CDH13: variants seen among roughly 807,000 people sequenced by gnomAD.
CDH13 encodes the protein cadherin 13, also known as cadherin-13.
CDH13 carries 24 observed loss-of-function variants against 63.8 expected under a neutral mutation model. That is an observed-to-expected ratio of 0.38 (90% CI 0.27 to 0.53). The LOEUF is 0.53. Among genes scored for constraint, CDH13 ranks in the 20% least tolerant of loss-of-function variants. CDH13 has a pLI of 0.85. For synonymous variants in CDH13, 503 were observed against 355.3 expected (o/e 1.42, Z -4.67); for missense variants, 1,049 against 903.1 (o/e 1.16, Z -2.07).
Position 83,088,940 on chromosome 16 carries a change from C to A in CDH13, c.367-36445C>A, listed in dbSNP as rs151031482. 6.6e-3 allele frequency among the ~76,000 whole-genome samples: 1,006 copies of A among 152,244 alleles called. 17 individuals are homozygous for A. The highest frequency in any genetic ancestry group is 0.022 in the African/African-American group (898 of 41,544). ...TTAATGGAACATAAGCATGGCCATT[C>A]ATTAATATATGATCAATAGATTTTT... On this transcript the variant is annotated intron_variant, in intron 3 of 13. Transcript: ENST00000567109.
intron 3 of CDH13, among the ~76,000 whole-genome samples, chr16:83,037,465 CA>C (rs1916963618): frequency 6.6e-6 from 1 of 152,054 alleles, no homozygotes; most frequent in Non-Finnish European, 1.5e-5. Context: ...AACATGGGAG[CA>C]ATGGAGGGAA....
At chr16:83,010,041 A>T (rs555563044) in intron 2 of CDH13, among the ~76,000 whole-genome samples, 1 of 150,582 alleles carries the variant, frequency 6.6e-6, no homozygotes, top group Non-Finnish European at 1.5e-5. Flanking sequence ...AGGCTGAGGC[A>T]GGAGAATCAC....
intron 4 of CDH13, among the ~76,000 whole-genome samples, chr16:83,163,590 T>C (rs2037538914): frequency 6.6e-6 from 1 of 152,084 alleles, no homozygotes; most frequent in Admixed American, 6.6e-5. Flanking sequence ...CTGTTTTCTA[T>C]TGCCTTTGCA....
intron 3 of CDH13, among the ~76,000 whole-genome samples, chr16:83,073,815 C>G (rs890194220): frequency 6.6e-6 from 1 of 151,930 alleles, no homozygotes; most frequent in African/African-American, 2.4e-5. Context: ...TACAGTACAG[C>G]ATAGCAATTG....
chr16:83,058,497 C>T (rs183324395), intron 3 of CDH13, among the ~76,000 whole-genome samples: 35 of 152,250 alleles, frequency 2.3e-4, no homozygotes, highest in African/African-American at 7.7e-4. Context: ...ACAGGGGCGT[C>T]GTTTATTCTA....
intron 2 of CDH13, among the ~76,000 whole-genome samples, chr16:83,007,953 T>A (rs1171698305): frequency 6.6e-6 from 1 of 152,248 alleles, no homozygotes; most frequent in Non-Finnish European, 1.5e-5. Flanking sequence ...GTCCTTTTCC[T>A]CAATTGTTCC....
intron 2 of CDH13, among the ~76,000 whole-genome samples, chr16:82,982,259 TC>T (rs1482357059): frequency 1.3e-5 from 2 of 152,102 alleles, no homozygotes; most frequent in Admixed American, 6.5e-5. Context: ...ATAATACTTA[TC>T]TTATAAATAA....
chr16:83,418,917 T>A (rs2071631156), intron 6 of CDH13, among the ~76,000 whole-genome samples: 1 of 152,108 alleles, frequency 6.6e-6, no homozygotes, highest in Non-Finnish European at 1.5e-5. Flanking sequence ...ATATGGAGAA[T>A]TTTCAGCAGA....
intron 8 of CDH13, among the ~76,000 whole-genome samples, chr16:83,613,035 A>G (rs1335363068): frequency 6.6e-6 from 1 of 152,150 alleles, no homozygotes; most frequent in Non-Finnish European, 1.5e-5. Context: ...CTTTTTTGCC[A>G]GAATTTTTGA....
intron 6 of CDH13, among the ~76,000 whole-genome samples, chr16:83,432,593 G>A (rs2072154295): frequency 6.6e-6 from 1 of 152,178 alleles, no homozygotes; most frequent in Non-Finnish European, 1.5e-5. Context: ...GACTGAACTT[G>A]AGAAGAGTGC....
chr16:83,579,411 C>T (rs765406635), intron 7 of CDH13, among the ~76,000 whole-genome samples: 25 of 152,212 alleles, frequency 1.6e-4, no homozygotes, highest in Middle Eastern at 3.4e-3. Context: ...CCTCAGGAAA[C>T]TTACAATTAT....
At chr16:83,265,939 G>C (rs1356307435) in intron 5 of CDH13, among the ~76,000 whole-genome samples, 1 of 151,580 alleles carries the variant, frequency 6.6e-6, no homozygotes, top group Non-Finnish European at 1.5e-5. Context: ...TCGGTTTTTT[G>C]TTTATTTCTG....
intron 7 of CDH13, among the ~76,000 whole-genome samples, chr16:83,544,373 C>A (rs1226280290): frequency 1.3e-5 from 2 of 152,060 alleles, no homozygotes; most frequent in Admixed American, 1.3e-4. Context: ...CCTCAACTTA[C>A]GATGGGTTTA....
At chr16:82,748,269 T>A (rs2034265606) in intron 1 of CDH13, among the ~76,000 whole-genome samples, 2 of 152,170 alleles carry the variant, frequency 1.3e-5, no homozygotes, top group Admixed American at 1.3e-4. Context: ...TTATTGCAAC[T>A]CAATTCATGT....
intron 7 of CDH13, among the ~76,000 whole-genome samples, chr16:83,598,369 T>C (rs1342692716): frequency 6.6e-6 from 1 of 152,038 alleles, no homozygotes; most frequent in African/African-American, 2.4e-5. Flanking sequence ...TGTCTCAAAA[T>C]AAATAAATAT....
chr16:83,227,390 G>A (rs2039873480), intron 5 of CDH13, among the ~76,000 whole-genome samples: 1 of 152,182 alleles, frequency 6.6e-6, no homozygotes, highest in Non-Finnish European at 1.5e-5. Context: ...GGGCCCTTGT[G>A]AAGCCAGCCT....
At chr16:83,144,025 G>C (rs940301214) in intron 4 of CDH13, among the ~76,000 whole-genome samples, 3 of 152,016 alleles carry the variant, frequency 2.0e-5, no homozygotes, top group African/African-American at 7.2e-5. Context: ...AAACCCCTGG[G>C]CCCTGTTTGT....
At chr16:82,665,472 C>A (rs1226676282) in intron 1 of CDH13, among the ~76,000 whole-genome samples, 1 of 152,130 alleles carries the variant, frequency 6.6e-6, no homozygotes, top group Non-Finnish European at 1.5e-5. Context: ...CTACTAGGAG[C>A]AATGGTTCAA....
intron 4 of CDH13, among the ~76,000 whole-genome samples, chr16:83,137,643 A>C (rs2036350099): frequency 6.6e-6 from 1 of 152,194 alleles, no homozygotes; most frequent in Non-Finnish European, 1.5e-5. Flanking sequence ...GAAAAAGCCA[A>C]CTTCGGTGTA....
Sources: allele counts gnomAD v4.1 joint callset (sites outside exome capture counted in the v4.1 genomes callset), GRCh38; gene constraint gnomAD v4.1.1; transcripts MANE v1.5; gene names NCBI Gene and HGNC (gene_info 2026-07-23, HGNC 2026-07-21).